BET1L: variants seen among roughly 807,000 people sequenced by gnomAD.
The protein encoded by BET1L is Bet1 golgi vesicular membrane trafficking protein like.
A neutral mutation model predicts 12.6 loss-of-function variants in BET1L; 13 were observed. The observed-to-expected ratio is 1.03, with a 90% CI of 0.67 to 1.64. The LOEUF (loss-of-function observed/expected upper bound fraction) is 1.64, where lower values mean the gene tolerates loss of function less well. BET1L is among the 40% of genes most tolerant of loss of function. The pLI, the probability that BET1L is intolerant of heterozygous loss-of-function variation, is 0.00. For synonymous variants in BET1L, 60 were observed against 56.9 expected (o/e 1.05, Z -0.25); for missense variants, 154 against 150.7 (o/e 1.02, Z -0.11).
chr11:205,813 G>A, intron 2 of BET1L, 139 bp downstream of exon 2: 1 of 1,433,010 alleles, frequency 7.0e-7, no homozygotes, highest in East Asian at 2.3e-5. Context: ...TGTCAGCTGG[G>A]GCCTCATGCA....
chr11:207,216 C>T, intron 1 of BET1L, 87 bp downstream of exon 1: 1 of 1,481,478 alleles, frequency 6.8e-7, no homozygotes, highest in South Asian at 1.3e-5. Flanking sequence ...CCCAGCTGGG[C>T]CAGAGGCAGG....
intron 2 of BET1L, 57 bp downstream of exon 2, chr11:205,895 C>G: frequency 6.3e-7 from 1 of 1,579,686 alleles, no homozygotes; most frequent in South Asian, 1.1e-5. Context: ...TGCCTTCCCT[C>G]TGATCCCCAT....
At chr11:205,588 A>C in intron 3 of BET1L, 23 bp downstream of exon 3, 1 of 1,614,040 alleles carries the variant, frequency 6.2e-7, no homozygotes, top group Non-Finnish European at 8.5e-7. Context: ...GGGCACTGAT[A>C]CACGCACACC....
intron 1 of BET1L, 138 bp downstream of exon 1, chr11:207,165 C>T: frequency 8.3e-7 from 1 of 1,207,124 alleles, no homozygotes; most frequent in South Asian, 1.6e-5. Flanking sequence ...CGGAAGGATC[C>T]GAATCCGCCC....
In BET1L at chr11:207,394, G is replaced by A. The variant is rs183598645; in HGVS notation, c.-73C>T. On this transcript the variant is annotated 5_prime_UTR_variant, in exon 1 of 4. Coordinates refer to ENST00000382762, the MANE Select transcript of BET1L (RefSeq NM_001098787.2). ...CGCCTCAGACGTGGCGCAGTCGCGG[G>A]GAAAGAGCTTCCGGCCCCGCCCCCA... The A allele has an allele frequency of 3.4e-4, 432 of 1,263,336 alleles. 8 individuals carry two copies. The East Asian group carries it at 0.017, about 48-fold the overall frequency. 78.3% of individuals were successfully genotyped at this position (1,263,336 alleles called of 1,614,324 possible).
Position 205,974 on chromosome 11 carries a change from G to A in BET1L, c.89C>T (p.Ser30Phe). The A allele has an allele frequency of 6.2e-7, 1 of 1,614,080 alleles. No individual in the cohort carries two copies. The highest frequency in any genetic ancestry group is 8.5e-7 in the Non-Finnish European group (1 of 1,180,016). Residue 30 changes from serine to phenylalanine, a missense_variant, in exon 2 of 4, where the codon TCC becomes TTC. By Grantham distance (155) the Ser-to-Phe change is radical (BLOSUM62 -2). Coordinates refer to ENST00000382762, the MANE Select transcript of BET1L (RefSeq NM_001098787.2). The part of the protein sequence containing the change: ...ENKRMADSLA[S>F]KVTRLKSLAL... Reference sequence around the variant, plus strand: ...GACCGATTTGAGCCTGGTGACTTTGGAGGCCAGGCTGTCAGCCATTCGCTT... The same window carrying A: ...GACCGATTTGAGCCTGGTGACTTTGAAGGCCAGGCTGTCAGCCATTCGCTT...
rs926824881 is a variant in BET1L at position 205,641 on chromosome 11, T to C, written c.138A>G (p.Ala46=). ...CATCCAGGTACCGGTTCTGATCCTCTGCATCCCTATCGATGTCCAGGGCGA... is the reference window on the plus strand; with the variant it reads ...CATCCAGGTACCGGTTCTGATCCTCCGCATCCCTATCGATGTCCAGGGCGA... The part of the protein sequence containing the change: ...KSLALDIDRD[A]EDQNRYLDGM... The change falls in exon 3 of 4, where the codon GCA becomes GCG. Residue 46 remains alanine, a synonymous_variant. Coordinates refer to ENST00000382762, the MANE Select transcript of BET1L (RefSeq NM_001098787.2). 1.9e-6 allele frequency: 3 copies of C among 1,612,414 alleles called. No individual in the cohort carries two copies. Among genetic ancestry groups the C allele is most frequent in the Non-Finnish European group, 2.5e-6 (3 of 1,179,112 alleles).
Position 207,359 on chromosome 11 carries a change from C to CGGACACAGCCGCCTCAGACGT in BET1L, c.-39_-38insACGTCTGAGGCGGCTGTGTCC. 6.6e-7 allele frequency: 1 copy of CGGACACAGCCGCCTCAGACGT among 1,506,420 alleles called. No individual in the cohort carries two copies. Among genetic ancestry groups the CGGACACAGCCGCCTCAGACGT allele is most frequent in the East Asian group, 2.6e-5 (1 of 38,998 alleles). 93.3% of individuals were successfully genotyped at this position (1,506,420 alleles called of 1,614,324 possible). A position where few individuals can be genotyped will look rare whatever the true frequency, so the allele number is the denominator to read the frequency against. ...CGGCTCCTCGACGCGGACACCGACG[C>CGGACACAGCCGCCTCAGACGT]GGCCACAGCCGCCTCAGACGTGGCG... On this transcript the variant is annotated 5_prime_UTR_variant, in exon 1 of 4. Transcript: ENST00000382762.
At position 207,316 on chromosome 11, in the gene BET1L, C is replaced by T. The variant is rs1345521752; in HGVS notation, c.6G>A (p.Ala2=). 3.2e-6 allele frequency: 5 copies of T among 1,548,566 alleles called. No homozygotes were observed. The highest frequency in any genetic ancestry group is 4.3e-6 in the Non-Finnish European group (5 of 1,155,532). ...TCCCGCGCTCACCCCGAGCCCAGTC[C>T]GCCATCGTGCCCTGCCCCGGCTCCT... M[A]DWARAQSPGA... The change falls in exon 1 of 4, where the codon GCG becomes GCA. Residue 2 remains alanine, a synonymous_variant. Coordinates refer to ENST00000382762, the MANE Select transcript of BET1L (RefSeq NM_001098787.2).
Position 206,046 on chromosome 11 carries a change from G to A in BET1L, c.20-3C>T, listed in dbSNP as rs1182424722. The A allele has an allele frequency of 6.2e-7, 1 of 1,613,220 alleles. No homozygotes were observed. Among genetic ancestry groups the A allele is most frequent in the African/African-American group, 1.3e-5 (1 of 75,032 alleles). On this transcript the variant is annotated splice_region_variant and splice_polypyrimidine_tract_variant and intron_variant, in intron 1 of 3. Transcript: ENST00000382762. ...TTCCACAGCGCCCGGGCTCTGAGCT[G>A]AGAAAAGAGAGGGGCTGAAGGGTTG...
rs10400290 is a variant in BET1L, at chr11:203,892, G to A, written c.*1410C>T. 9,476 of 153,142 alleles carry A rather than the reference G, an allele frequency of 0.062. 952 individuals carry two copies. Among genetic ancestry groups the A allele is most frequent in the African/African-American group, 0.22 (9,040 of 41,514 alleles). 9.5% of individuals were successfully genotyped at this position (153,142 alleles called of 1,614,324 possible). A position where few individuals can be genotyped will look rare whatever the true frequency, so the allele number is the denominator to read the frequency against. On this transcript the variant is annotated 3_prime_UTR_variant, in exon 4 of 4. Coordinates refer to ENST00000382762, the MANE Select transcript of BET1L (RefSeq NM_001098787.2). The stretch of plus-strand genomic sequence containing the variant: ...TCAGCCAGGTACAATGGAGGGTCCA[G>A]GTCACAAGGAAGGGGGCTATGGTGA...
At chr11:207,234 G>A (rs553945925) in intron 1 of BET1L, 69 bp downstream of exon 1, 44 of 1,501,260 alleles carry the variant, frequency 2.9e-5, no homozygotes, top group South Asian at 2.5e-4. Flanking sequence ...AGGCGCACGC[G>A]GCTCTACAGG....
In BET1L at chr11:205,595, C is replaced by G. The variant is rs148471498; in HGVS notation, c.168+16G>C. 1 of 1,613,904 alleles carries G rather than the reference C, an allele frequency of 6.2e-7. No individual in the cohort carries two copies. Among genetic ancestry groups the G allele is most frequent in the Non-Finnish European group, 8.5e-7 (1 of 1,180,028 alleles). Reference sequence around the variant, plus strand: ...CTAGGGCAGGGCACTGATACACGCACACCGTGGGCCCTTACCATGCCATCC... The same window carrying G: ...CTAGGGCAGGGCACTGATACACGCAGACCGTGGGCCCTTACCATGCCATCC... On this transcript the variant is annotated intron_variant, in intron 3 of 3. Transcript: ENST00000382762.
chr11:207,147 C>G, intron 1 of BET1L, 156 bp downstream of exon 1: 1 of 1,061,856 alleles, frequency 9.4e-7, no homozygotes, highest in Non-Finnish European at 1.3e-6. Flanking sequence ...CCCGGCCCTG[C>G]TCGGACCCGG....
intron 1 of BET1L, 75 bp downstream of exon 1, chr11:207,228 G>A: frequency 6.7e-7 from 1 of 1,491,186 alleles, no homozygotes; most frequent in Non-Finnish European, 8.9e-7. Flanking sequence ...AGAGGCAGGC[G>A]CACGCGGCTC....
Position 205,389 on chromosome 11 carries a change from G to C in BET1L, c.249C>G (p.Asp83Glu), listed in dbSNP as rs61746187. 8.6e-5 allele frequency: 139 copies of C among 1,614,228 alleles called. No individual in the cohort carries two copies. In the African/African-American group the frequency reaches 1.6e-3, roughly 19 times the overall value. ...RFSTMARSGQ[D>E]NRKLLCGMAV... ...CCATGCCACATAGAAGCTTCCGGTT[G>C]TCTTGTCCGGACCTTGCCATTGTGG... Residue 83 changes from aspartate to glutamate, a missense_variant, in exon 4 of 4, where the codon GAC becomes GAG. Transcript: ENST00000382762.
chr11:205,166 A>G lies in BET1L; in HGVS notation c.*136T>C. ...TCACAGGCAGCCGCAGCCTCCTGCC[A>G]CACAGGAAGAAGATTCCTGACCCAC... On this transcript the variant is annotated 3_prime_UTR_variant, in exon 4 of 4. Coordinates refer to ENST00000382762, the MANE Select transcript of BET1L (RefSeq NM_001098787.2). The G allele has an allele frequency of 1.6e-6, 2 of 1,224,344 alleles. No homozygotes were observed. Among genetic ancestry groups the G allele is most frequent in the South Asian group, 3.2e-5 (2 of 62,896 alleles). The allele number at this position is 1,224,344 out of a possible 1,614,324, so 75.8% of individuals were successfully genotyped here.
Position 205,478 on chromosome 11 carries a change from G to A in BET1L, c.169-9C>T, listed in dbSNP as rs756091934. On this transcript the variant is annotated splice_polypyrimidine_tract_variant and intron_variant, in intron 3 of 3. Coordinates refer to ENST00000382762, the MANE Select transcript of BET1L (RefSeq NM_001098787.2). ...CTTGTGAAATCCGAGTCCTAAGGGA[G>A]GAATCCCAGCAAGATCACACAGAAG... is the stretch of plus-strand genomic sequence containing the variant. 4 of 1,614,202 alleles carry A rather than the reference G, an allele frequency of 2.5e-6. No individual in the cohort carries two copies. The South Asian group carries it at 4.4e-5, about 18-fold the overall frequency.
Position 206,006 on chromosome 11 carries a change from C to A in BET1L, c.57G>T (p.Arg19=), listed in dbSNP as rs775716817. The change falls in exon 2 of 4, where the codon CGG becomes CGT. Residue 19 remains arginine, a synonymous_variant. Coordinates refer to ENST00000382762, the MANE Select transcript of BET1L (RefSeq NM_001098787.2). ...SPGAVEEILD[R]ENKRMADSLA... Reference sequence around the variant, plus strand: ...GGCTGTCAGCCATTCGCTTGTTCTCCCGGTCTAGAATCTCTTCCACAGCGC... The same window carrying A: ...GGCTGTCAGCCATTCGCTTGTTCTCACGGTCTAGAATCTCTTCCACAGCGC... The A allele has an allele frequency of 6.2e-7, 1 of 1,614,048 alleles. No individual in the cohort carries two copies. The highest frequency in any genetic ancestry group is 8.5e-7 in the Non-Finnish European group (1 of 1,180,030).
Sources: allele counts gnomAD v4.1 joint callset, GRCh38; gene constraint gnomAD v4.1.1; transcripts MANE v1.5; gene names NCBI Gene and HGNC (gene_info 2026-07-23, HGNC 2026-07-21).